CLOCK: variants seen among roughly 807,000 people sequenced by gnomAD.
CLOCK encodes clock circadian regulator.
CLOCK carries 43 observed loss-of-function variants against 118.4 expected under a neutral mutation model. The ratio of observed to expected loss-of-function variants is 0.36; its 90% CI spans 0.28 to 0.47. The LOEUF is 0.47. Ranked by LOEUF, CLOCK falls within the 20% of genes least tolerant of loss-of-function variation. The pLI, the probability that CLOCK is intolerant of heterozygous loss-of-function variation, is 1.00. For synonymous variants in CLOCK, 326 were observed against 339.2 expected (o/e 0.96, Z 0.43); for missense variants, 846 against 999.9 (o/e 0.85, Z 2.08).
chr4:55,459,364 T>C (rs962434647), intron 9 of CLOCK, 103 bp from the exon 10 acceptor site: 1 of 761,158 alleles, frequency 1.3e-6, no homozygotes, highest in Admixed American at 2.1e-5. Context: ...TTTACAACCA[T>C]TATTTTCCCC....
At chr4:55,479,034 AT>A in intron 5 of CLOCK, 71 bp from the exon 6 acceptor site, 1 of 1,265,756 alleles carries the variant, frequency 7.9e-7, no homozygotes, top group Non-Finnish European at 1.1e-6. Flanking sequence ...TACAATGTTA[AT>A]TTAGACATGA....
chr4:55,463,206 T>G (rs1026216795), intron 9 of CLOCK, among the ~76,000 whole-genome samples: 6 of 147,390 alleles, frequency 4.1e-5, no homozygotes, highest in African/African-American at 1.2e-4. Context: ...CCTAGCAAAT[T>G]AGATACATCT....
chr4:55,440,288 G>A lies in CLOCK; in HGVS notation c.2106-1751C>T, dbSNP rs190280801. Among the ~76,000 whole-genome samples, 365 of 152,180 alleles carry A rather than the reference G, an allele frequency of 2.4e-3. 2 individuals carry two copies. The highest frequency in any genetic ancestry group is 8.4e-3 in the African/African-American group (347 of 41,518). ...TATAAATTCATCAACGCAGCATAGC[G>A]TCCTCTGTGCTAGAATTCATTAATT... On this transcript the variant is annotated intron_variant, in intron 21 of 22. Transcript: ENST00000513440.
chr4:55,457,440 T>G (rs2109793460), intron 11 of CLOCK, among the ~76,000 whole-genome samples: 1 of 152,320 alleles, frequency 6.6e-6, no homozygotes, highest in South Asian at 2.1e-4. Context: ...ATCACTGATT[T>G]GCTACAGTGT....
chr4:55,454,383 G>A (rs997548423), intron 13 of CLOCK, among the ~76,000 whole-genome samples: 1 of 152,092 alleles, frequency 6.6e-6, no homozygotes, highest in African/African-American at 2.4e-5. Context: ...AGGAAGCAGA[G>A]GTGGGAGGAT....
At chr4:55,492,061 T>G (rs1413548254) in intron 2 of CLOCK, among the ~76,000 whole-genome samples, 1 of 152,132 alleles carries the variant, frequency 6.6e-6, no homozygotes, top group Non-Finnish European at 1.5e-5. Context: ...GCCAGCATTA[T>G]GCTGATATCA....
At chr4:55,445,644 G>A (rs965236991) in intron 18 of CLOCK, among the ~76,000 whole-genome samples, 2 of 125,700 alleles carry the variant, frequency 1.6e-5, no homozygotes, top group African/African-American at 6.0e-5. Flanking sequence ...AGGCTGGAAA[G>A]CAGTGGTGCG....
rs377398930 is a variant in CLOCK at position 55,450,373 on chromosome 4, G to A, written c.1207-141C>T. On this transcript the variant is annotated intron_variant, in intron 15 of 22. Coordinates refer to ENST00000513440, the MANE Select transcript of CLOCK (RefSeq NM_004898.4). ...ACCTGTATGTACATACACATGTAAA[G>A]AAATGAAAATTTATGTGTTATAGCC... 9.6e-5 allele frequency: 86 copies of A among 900,128 alleles called. No homozygotes were observed. The African/African-American group carries it at 1.2e-3, about 12-fold the overall frequency. The allele number at this position is 900,128 out of a possible 1,614,324, so 55.8% of individuals were successfully genotyped here.
intron 9 of CLOCK, among the ~76,000 whole-genome samples, chr4:55,459,892 G>A (rs1268203016): frequency 1.3e-5 from 2 of 152,114 alleles, no homozygotes; most frequent in Non-Finnish European, 2.9e-5. Context: ...AAGCTTCTAG[G>A]CTCAAGCAAT....
chr4:55,494,371 C>A (rs1453759430), intron 2 of CLOCK, among the ~76,000 whole-genome samples: 2 of 152,152 alleles, frequency 1.3e-5, no homozygotes, highest in Non-Finnish European at 2.9e-5. Flanking sequence ...AAGGACACTG[C>A]AGATGTGATT....
At chr4:55,519,526 C>G (rs903163366) in intron 1 of CLOCK, among the ~76,000 whole-genome samples, 1 of 152,096 alleles carries the variant, frequency 6.6e-6, no homozygotes, top group Admixed American at 6.5e-5. Flanking sequence ...GTAGCTCATG[C>G]CTGTAATCCC....
At chr4:55,444,504 T>C in intron 19 of CLOCK, 129 bp downstream of exon 19, 1 of 1,091,782 alleles carries the variant, frequency 9.2e-7, no homozygotes, top group Non-Finnish European at 1.4e-6. Context: ...AGGTAACCAG[T>C]GAATATTTAT....
chr4:55,496,006 T>C (rs1577796843), intron 2 of CLOCK, among the ~76,000 whole-genome samples: 1 of 151,936 alleles, frequency 6.6e-6, no homozygotes, highest in Non-Finnish European at 1.5e-5. Flanking sequence ...CTGGCCAACA[T>C]GGTGAAACCC....
intron 2 of CLOCK, among the ~76,000 whole-genome samples, chr4:55,503,108 C>CGTTT (rs1240895808): frequency 1.3e-5 from 2 of 152,184 alleles, no homozygotes; most frequent in Non-Finnish European, 2.9e-5. Flanking sequence ...TAAAGCTAAA[C>CGTTT]AGCCAGATAC....
intron 1 of CLOCK, among the ~76,000 whole-genome samples, chr4:55,529,104 C>T (rs1730378874): frequency 6.6e-6 from 1 of 152,068 alleles, no homozygotes; most frequent in Non-Finnish European, 1.5e-5. Context: ...ATAAGGATCC[C>T]CAGATATACA....
Position 55,428,031 on chromosome 4 carries a change from C to T in CLOCK, c.*7384G>A, listed in dbSNP as rs192276543. 1.3e-5 allele frequency: 2 copies of T among 152,244 alleles called. No individual in the cohort carries two copies. The highest frequency in any genetic ancestry group is 1.3e-4 in the Admixed American group (2 of 15,288). The allele number at this position is 152,244 out of a possible 1,614,324, so 9.4% of individuals were successfully genotyped here. On this transcript the variant is annotated 3_prime_UTR_variant, in exon 23 of 23. Coordinates refer to ENST00000513440, the MANE Select transcript of CLOCK (RefSeq NM_004898.4). ...CAGGTGATAACTGAAAAACATAGCA[C>T]TGAGGTATTTTTTATTTTTAAAATT...
intron 1 of CLOCK, among the ~76,000 whole-genome samples, chr4:55,530,331 T>C (rs370048137): frequency 1.7e-3 from 258 of 152,158 alleles, no homozygotes; most frequent in African/African-American, 6.0e-3. Flanking sequence ...AGCAAAAACC[T>C]CTAAGTTGTA....
chr4:55,479,748 G>T, intron 4 of CLOCK, 49 bp from the exon 5 acceptor site: 1 of 1,415,542 alleles, frequency 7.1e-7, no homozygotes, highest in Non-Finnish European at 1.0e-6. Context: ...CTAAGCAACA[G>T]CAATACTAAA....
chr4:55,506,545 A>G (rs1485839527), intron 2 of CLOCK, among the ~76,000 whole-genome samples: 1 of 152,000 alleles, frequency 6.6e-6, no homozygotes, highest in Non-Finnish European at 1.5e-5. Context: ...GCTTTTTAGC[A>G]TATGGTATTT....
Sources: gnomAD v4.1 joint callset for allele counts (sites outside exome capture counted in the v4.1 genomes callset) on GRCh38, gnomAD v4.1.1 for gene constraint, MANE v1.5 for transcripts, NCBI Gene and HGNC (gene_info 2026-07-23, HGNC 2026-07-21) for gene names.